SLC35A1: variants seen among roughly 807,000 people sequenced by gnomAD.
SLC35A1 encodes the protein solute carrier family 35 member A1.
In SLC35A1, 21 loss-of-function variants were observed where a neutral mutation model predicts 40.3. The ratio of observed to expected loss-of-function variants is 0.52; its 90% CI spans 0.37 to 0.75. SLC35A1 has a LOEUF of 0.75. SLC35A1 is among the 30% of genes least tolerant of loss of function. The pLI is 0.00. For synonymous variants in SLC35A1, 146 were observed against 147.3 expected (o/e 0.99, Z 0.06); for missense variants, 297 against 382.1 (o/e 0.78, Z 1.86).
At chr6:87,477,653 A>G in intron 2 of SLC35A1, 114 bp downstream of exon 2, 1 of 915,194 alleles carries the variant, frequency 1.1e-6, no homozygotes, top group Non-Finnish European at 1.7e-6. Flanking sequence ...AGTGTTTCTC[A>G]ACTAGGGGTG....
At chr6:87,498,511 T>C (rs763629045) in intron 2 of SLC35A1, among the ~76,000 whole-genome samples, 3 of 152,176 alleles carry the variant, frequency 2.0e-5, no homozygotes, top group African/African-American at 7.2e-5. Flanking sequence ...CAGTGGCTCA[T>C]GCCTGTAATT....
chr6:87,489,964 C>T (rs923672248), intron 2 of SLC35A1, among the ~76,000 whole-genome samples: 1 of 151,820 alleles, frequency 6.6e-6, no homozygotes, highest in Non-Finnish European at 1.5e-5. Context: ...TGTAGTGGCT[C>T]ACACCTGTAA....
intron 2 of SLC35A1, among the ~76,000 whole-genome samples, chr6:87,498,380 A>G (rs1226453679): frequency 6.6e-6 from 1 of 152,170 alleles, no homozygotes; most frequent in Non-Finnish European, 1.5e-5. Flanking sequence ...ACATCACCTT[A>G]TTAAGGTGAT....
At chr6:87,503,164 T>C (rs1769971051) in intron 4 of SLC35A1, among the ~76,000 whole-genome samples, 1 of 152,228 alleles carries the variant, frequency 6.6e-6, no homozygotes, top group Non-Finnish European at 1.5e-5. Context: ...GCTTGATCTT[T>C]TTCTTGCTTA....
intron 2 of SLC35A1, among the ~76,000 whole-genome samples, chr6:87,494,742 G>A (rs1197800295): frequency 6.6e-6 from 1 of 152,056 alleles, no homozygotes; most frequent in African/African-American, 2.4e-5. Flanking sequence ...TGAATTTTAA[G>A]TTATCAATTT....
intron 2 of SLC35A1, among the ~76,000 whole-genome samples, chr6:87,495,443 A>G (rs1769697683): frequency 6.6e-6 from 1 of 152,212 alleles, no homozygotes; most frequent in Non-Finnish European, 1.5e-5. Flanking sequence ...AGTATTATCT[A>G]GAGAAATTAA....
At chr6:87,497,274 T>C (rs1313790314) in intron 2 of SLC35A1, among the ~76,000 whole-genome samples, 1 of 152,136 alleles carries the variant, frequency 6.6e-6, no homozygotes, top group African/African-American at 2.4e-5. Flanking sequence ...ATTTGCACTT[T>C]CCAGCAATTA....
intron 2 of SLC35A1, among the ~76,000 whole-genome samples, chr6:87,479,799 C>G (rs1215065385): frequency 6.6e-6 from 1 of 152,036 alleles, no homozygotes; most frequent in African/African-American, 2.4e-5. Flanking sequence ...TAATTGTGAC[C>G]CACCAAAATA....
chr6:87,475,822 G>C (rs1159502085), intron 1 of SLC35A1, among the ~76,000 whole-genome samples: 1 of 152,212 alleles, frequency 6.6e-6, no homozygotes, highest in African/African-American at 2.4e-5. Context: ...GAGTCACCTG[G>C]TGTCCTTCTG....
intron 2 of SLC35A1, among the ~76,000 whole-genome samples, chr6:87,485,416 A>C (rs1009720819): frequency 6.6e-6 from 1 of 152,214 alleles, no homozygotes; most frequent in Non-Finnish European, 1.5e-5. Context: ...TTATATTAGA[A>C]ATAACTAAAG....
At chr6:87,476,260 CAATGA>C (rs1199182020) in intron 1 of SLC35A1, among the ~76,000 whole-genome samples, 28 of 152,106 alleles carry the variant, frequency 1.8e-4, no homozygotes, top group Non-Finnish European at 2.9e-4. Flanking sequence ...TTGTATAATG[CAATGA>C]AATGAGTGGC....
intron 2 of SLC35A1, among the ~76,000 whole-genome samples, chr6:87,489,560 T>G (rs1436503930): frequency 2.5e-5 from 3 of 120,666 alleles, no homozygotes; most frequent in African/African-American, 1.0e-4. Context: ...TTTTTTTTTG[T>G]AGATGGAGTC....
At chr6:87,507,017 G>GT (rs1770103261) in intron 5 of SLC35A1, 1 of 155,312 alleles carries the variant, frequency 6.4e-6, no homozygotes, top group Admixed American at 6.3e-5. Flanking sequence ...GTCTGGCGTT[G>GT]TATGTGTAGG....
At chr6:87,478,564 G>A (rs919889945) in intron 2 of SLC35A1, among the ~76,000 whole-genome samples, 4 of 152,238 alleles carry the variant, frequency 2.6e-5, no homozygotes, top group Middle Eastern at 3.4e-3. Flanking sequence ...AATGTTACAC[G>A]ACATTGTGAT....
At chr6:87,493,415 A>G (rs1476942258) in intron 2 of SLC35A1, among the ~76,000 whole-genome samples, 1 of 152,118 alleles carries the variant, frequency 6.6e-6, no homozygotes, top group African/African-American at 2.4e-5. Context: ...TAGCAGAGCT[A>G]TGAAATATAT....
At chr6:87,507,089 A>G (rs1770110246) in intron 5 of SLC35A1, 1 of 152,404 alleles carries the variant, frequency 6.6e-6, no homozygotes, top group African/African-American at 2.4e-5. Flanking sequence ...AACATAAAAA[A>G]AGTTTTAGAA....
At chr6:87,478,305 C>T (rs1262085061) in intron 2 of SLC35A1, among the ~76,000 whole-genome samples, 1 of 152,154 alleles carries the variant, frequency 6.6e-6, no homozygotes, top group East Asian at 1.9e-4. Flanking sequence ...ACACTTGTAA[C>T]CTCTTTAAGC....
chr6:87,500,076 G>A (rs867492427), intron 2 of SLC35A1, among the ~76,000 whole-genome samples: 3 of 151,972 alleles, frequency 2.0e-5, no homozygotes, highest in East Asian at 1.9e-4. Flanking sequence ...CACTCCAGCC[G>A]GGGCGACACA....
intron 5 of SLC35A1, chr6:87,507,194 T>C (rs1203819321): frequency 6.6e-6 from 1 of 152,216 alleles, no homozygotes; most frequent in Non-Finnish European, 1.5e-5. Context: ...TATTTATTTG[T>C]ACCTATTTCA....
Sources: gnomAD v4.1 joint callset for allele counts (sites outside exome capture counted in the v4.1 genomes callset) on GRCh38, gnomAD v4.1.1 for gene constraint, MANE v1.5 for transcripts, NCBI Gene and HGNC (gene_info 2026-07-23, HGNC 2026-07-21) for gene names.